Variants in PDE4D observed in about 807,000 individuals in gnomAD.
PDE4D encodes 3',5'-cyclic-AMP phosphodiesterase 4D.
In PDE4D, 24 loss-of-function variants were observed where a neutral mutation model predicts 87.4. The observed-to-expected ratio is 0.27, with a 90% CI of 0.20 to 0.39. The LOEUF is 0.39. PDE4D is among the 10% of genes least tolerant of loss of function. PDE4D has a pLI of 1.00. For missense variants in PDE4D, 714 were observed against 1,041.0 expected (o/e 0.69, Z 4.32); for synonymous variants, 384 against 383.2 (o/e 1.00, Z -0.02).
chr5:59,535,212 G>A (rs557800885), intron 1 of PDE4D, among the ~76,000 whole-genome samples: 4 of 152,104 alleles, frequency 2.6e-5, no homozygotes, highest in Admixed American at 1.3e-4. Flanking sequence ...TCTTTAAGTG[G>A]AAGTCTGTGA....
intron 3 of PDE4D, among the ~76,000 whole-genome samples, chr5:59,976,913 T>A (rs1156625002): frequency 6.6e-6 from 1 of 152,224 alleles, no homozygotes; most frequent in Non-Finnish European, 1.5e-5. Flanking sequence ...CCACAAACCA[T>A]GCCCATGTAA....
chr5:60,185,278 G>A (rs1161342853), intron 2 of PDE4D, among the ~76,000 whole-genome samples: 3 of 152,012 alleles, frequency 2.0e-5, no homozygotes, highest in African/African-American at 7.2e-5. Flanking sequence ...TTTTCTGCAT[G>A]CACTCAAAAA....
At chr5:59,692,487 T>C (rs1391744881) in intron 1 of PDE4D, among the ~76,000 whole-genome samples, 3 of 152,136 alleles carry the variant, frequency 2.0e-5, no homozygotes, top group African/African-American at 7.2e-5. Flanking sequence ...TCTTTAAGAG[T>C]AAACCCCATC....
At chr5:59,637,391 C>T (rs1832381113) in intron 1 of PDE4D, among the ~76,000 whole-genome samples, 1 of 152,098 alleles carries the variant, frequency 6.6e-6, no homozygotes, top group African/African-American at 2.4e-5. Context: ...AATCCCATTA[C>T]TGGGTATATA....
chr5:59,151,309 C>A (rs1357942268), intron 5 of PDE4D, among the ~76,000 whole-genome samples: 2 of 152,084 alleles, frequency 1.3e-5, no homozygotes, highest in African/African-American at 4.8e-5. Context: ...GGAAATGAAT[C>A]TCTTCTGTCC....
chr5:60,108,591 G>C (rs1341321754), intron 2 of PDE4D, among the ~76,000 whole-genome samples: 1 of 152,056 alleles, frequency 6.6e-6, no homozygotes, highest in Admixed American at 6.6e-5. Flanking sequence ...GAGGCATCAC[G>C]CTACCTGACT....
At position 59,779,430 on chromosome 5, in the gene PDE4D, G is replaced by A. The variant is rs141532676; in HGVS notation, c.455+113738C>T. Among the ~76,000 whole-genome samples, 7 of 152,164 alleles carry A rather than the reference G, an allele frequency of 4.6e-5. No individual in the cohort carries two copies. In the East Asian group the frequency reaches 1.4e-3, roughly 29 times the overall value. On this transcript the variant is annotated intron_variant, in intron 1 of 14. Transcript: ENST00000340635. ...ATGTTGCTATTAGGACGTGAAATGA[G>A]GCTCGTAGAAATGAGACATGAAATT...
At chr5:59,253,211 C>T (rs992412483) in intron 1 of PDE4D, among the ~76,000 whole-genome samples, 6 of 152,162 alleles carry the variant, frequency 3.9e-5, no homozygotes, top group African/African-American at 1.4e-4. Flanking sequence ...CTATTTGTTT[C>T]TTTAAAAATG....
At chr5:60,201,956 A>G (rs1332660534) in intron 1 of PDE4D, among the ~76,000 whole-genome samples, 1 of 152,218 alleles carries the variant, frequency 6.6e-6, no homozygotes, top group Non-Finnish European at 1.5e-5. Flanking sequence ...CTTGATAATC[A>G]TTTGGGAAAA....
chr5:60,468,615 A>AG (rs1217106844), intron 1 of PDE4D, among the ~76,000 whole-genome samples: 1 of 151,136 alleles, frequency 6.6e-6, no homozygotes, highest in East Asian at 1.9e-4. Flanking sequence ...TCTTGCCTTC[A>AG]GTTTTTTTTT....
intron 1 of PDE4D, among the ~76,000 whole-genome samples, chr5:59,532,131 C>T (rs1426153188): frequency 2.0e-5 from 3 of 152,012 alleles, no homozygotes; most frequent in Admixed American, 2.0e-4. Flanking sequence ...TAGACCCTTA[C>T]TAGATTTTTT....
intron 1 of PDE4D, among the ~76,000 whole-genome samples, chr5:59,871,019 C>A (rs1747747084): frequency 6.6e-6 from 1 of 152,144 alleles, no homozygotes; most frequent in South Asian, 2.1e-4. Flanking sequence ...TTGTGGTGGG[C>A]AGAATTCTAA....
intron 1 of PDE4D, among the ~76,000 whole-genome samples, chr5:59,668,918 G>GAAGAAGAAGA (rs1364102706): frequency 4.6e-4 from 33 of 71,110 alleles, no homozygotes; most frequent in East Asian, 4.6e-3. Context: ...AGAAGAAGAA[G>GAAGAAGAAGA]AAGAAAGAAA....
At chr5:60,450,088 A>C (rs1745977840) in intron 1 of PDE4D, among the ~76,000 whole-genome samples, 1 of 151,630 alleles carries the variant, frequency 6.6e-6, no homozygotes, top group African/African-American at 2.4e-5. Context: ...ATCCTGTTTA[A>C]CTGGAATCTA....
intron 1 of PDE4D, among the ~76,000 whole-genome samples, chr5:59,488,851 A>G (rs563940530): frequency 1.3e-5 from 2 of 152,210 alleles, no homozygotes; most frequent in South Asian, 2.1e-4. Flanking sequence ...AATTTTAGGG[A>G]GAGTGGGAGC....
chr5:58,982,571 T>C (rs1465375473), intron 11 of PDE4D, among the ~76,000 whole-genome samples: 2 of 152,194 alleles, frequency 1.3e-5, no homozygotes, highest in Non-Finnish European at 2.9e-5. Context: ...AATGCTACCC[T>C]TTCCACCATG....
chr5:59,509,443 A>C (rs1379541988), intron 1 of PDE4D, among the ~76,000 whole-genome samples: 2 of 151,070 alleles, frequency 1.3e-5, no homozygotes, highest in African/African-American at 4.8e-5. Flanking sequence ...AAAAATGCTG[A>C]GCAAAGAAAA....
At chr5:59,504,586 A>ATG (rs1372869235) in intron 1 of PDE4D, among the ~76,000 whole-genome samples, 11 of 152,162 alleles carry the variant, frequency 7.2e-5, no homozygotes, top group Non-Finnish European at 1.0e-4. Flanking sequence ...CCATTTTTTG[A>ATG]TGTGTCATTG....
At chr5:59,120,581 TA>T (rs11349021) in intron 5 of PDE4D, among the ~76,000 whole-genome samples, 26,490 of 148,746 alleles carry the variant, frequency 0.18, 2,692 homozygotes, top group African/African-American at 0.27. Context: ...CCTTTCTCTT[TA>T]AAAAAAAAAA....
Sources: gnomAD v4.1 joint callset for allele counts (sites outside exome capture counted in the v4.1 genomes callset) on GRCh38, gnomAD v4.1.1 for gene constraint, MANE v1.5 for transcripts, NCBI Gene and HGNC (gene_info 2026-07-23, HGNC 2026-07-21) for gene names.